The following ZMIZ1 variants were observed in gnomAD, a reference collection of about 807,000 sequenced individuals.
ZMIZ1 encodes zinc finger MIZ domain-containing protein 1.
A neutral mutation model predicts 113.9 loss-of-function variants in ZMIZ1; 17 were observed. The observed-to-expected ratio is 0.15, with a 90% CI of 0.10 to 0.22. ZMIZ1 has a LOEUF of 0.22. Among genes scored for constraint, ZMIZ1 ranks in the 10% least tolerant of loss-of-function variants. The pLI is 1.00. For missense variants in ZMIZ1, 1,059 were observed against 1,477.8 expected, an observed-to-expected ratio of 0.72 and a Z score of 4.65; for synonymous variants, 607 against 603.1, an observed-to-expected ratio of 1.01 and a Z score of -0.09.
intron 1 of ZMIZ1, among the ~76,000 whole-genome samples, chr10:79,072,686 T>C (rs1461894212): frequency 6.6e-6 from 1 of 152,218 alleles, no homozygotes; most frequent in Non-Finnish European, 1.5e-5. Flanking sequence ...GCCTGCTGGT[T>C]CGTGGCTGGG....
chr10:79,218,136 G>T (rs1010585758), intron 7 of ZMIZ1, among the ~76,000 whole-genome samples: 2 of 152,164 alleles, frequency 1.3e-5, no homozygotes, highest in African/African-American at 4.8e-5. Context: ...GCCATAGATA[G>T]TACATAGAGG....
chr10:79,147,819 G>A lies in ZMIZ1; in HGVS notation c.-131+8042G>A, dbSNP rs117744663. On this transcript the variant is annotated intron_variant, in intron 3 of 24. Transcript: ENST00000334512. ...CCAGGGAGAGTGTCCCCTTCCTCTA[G>A]GGAGGTGTGAGCCAGACCCTGGGCT... Among the ~76,000 whole-genome samples, 79 of 152,256 alleles carry A rather than the reference G, an allele frequency of 5.2e-4. 1 individual carries two copies. In the East Asian group the frequency reaches 0.013, roughly 26 times the overall value.
chr10:79,253,750 A>G lies in ZMIZ1; in HGVS notation c.281-23431A>G, dbSNP rs567101356. 2.0e-5 allele frequency among the ~76,000 whole-genome samples: 3 copies of G among 152,304 alleles called. No individual in the cohort carries two copies. In the East Asian group the frequency reaches 5.8e-4, roughly 29 times the overall value. On this transcript the variant is annotated intron_variant, in intron 7 of 24. Transcript: ENST00000334512. ...CGCAGGAGGCTCACTTAGATCCAGG[A>G]CTTTGTGAGAGGCCCCTGAGCAAAG... is the stretch of plus-strand genomic sequence containing the variant.
At chr10:79,195,235 G>A (rs367783594) in intron 4 of ZMIZ1, among the ~76,000 whole-genome samples, 4 of 152,232 alleles carry the variant, frequency 2.6e-5, no homozygotes, top group African/African-American at 4.8e-5. Context: ...TGGCCAGCCC[G>A]ATCCTGTGCT....
intron 16 of ZMIZ1, among the ~76,000 whole-genome samples, chr10:79,299,833 G>A (rs1458716622): frequency 1.3e-5 from 2 of 152,228 alleles, no homozygotes; most frequent in Non-Finnish European, 2.9e-5. Context: ...AGCCAGGGGC[G>A]GAGCTGAGAC....
intron 1 of ZMIZ1, among the ~76,000 whole-genome samples, chr10:79,100,345 G>A (rs537588246): frequency 4.4e-4 from 67 of 151,862 alleles, no homozygotes; most frequent in African/African-American, 1.5e-3. Flanking sequence ...GGTGGCTTAT[G>A]CCTGTAATCC....
chr10:79,093,789 G>A lies in ZMIZ1; in HGVS notation c.-337+24519G>A, dbSNP rs537258537. On this transcript the variant is annotated intron_variant, in intron 1 of 24. Transcript: ENST00000334512. ...TCCCATGCCCTTGCGTGCCTCTTCA[G>A]GGCCTCTCTCTGGGCCATCCCTGCC... Among the ~76,000 whole-genome samples, 3 of 152,312 alleles carry A rather than the reference G, an allele frequency of 2.0e-5. No homozygotes were observed. In the South Asian group the frequency reaches 6.2e-4, roughly 32 times the overall value.
intron 11 of ZMIZ1, 94 bp from the exon 12 acceptor site, chr10:79,293,287 C>A: frequency 6.8e-7 from 1 of 1,467,806 alleles, no homozygotes; most frequent in Non-Finnish European, 9.1e-7. Flanking sequence ...CACTCCTCCA[C>A]CTCCCCAACC....
intron 8 of ZMIZ1, among the ~76,000 whole-genome samples, chr10:79,282,830 G>C (rs1852825583): frequency 6.6e-6 from 1 of 152,212 alleles, no homozygotes; most frequent in Non-Finnish European, 1.5e-5. Flanking sequence ...ATCACTGGCT[G>C]CAGTGGGGCT....
chr10:79,298,808 C>T (rs958288905), intron 15 of ZMIZ1, among the ~76,000 whole-genome samples: 1 of 152,208 alleles, frequency 6.6e-6, no homozygotes, highest in Non-Finnish European at 1.5e-5. Flanking sequence ...CTATACGCAG[C>T]CATGGAAGGA....
chr10:79,224,145 G>T (rs1849107140), intron 7 of ZMIZ1, among the ~76,000 whole-genome samples: 1 of 152,240 alleles, frequency 6.6e-6, no homozygotes, highest in South Asian at 2.1e-4. Flanking sequence ...GCTAGACTTA[G>T]TATGATCCCA....
chr10:79,160,612 G>C (rs942739659), intron 3 of ZMIZ1, among the ~76,000 whole-genome samples: 2 of 152,254 alleles, frequency 1.3e-5, no homozygotes, highest in African/African-American at 4.8e-5. Flanking sequence ...GCCAAGATTT[G>C]AAGCAGATCC....
At chr10:79,200,296 C>G (rs1390263542) in intron 4 of ZMIZ1, among the ~76,000 whole-genome samples, 2 of 152,162 alleles carry the variant, frequency 1.3e-5, no homozygotes, top group Non-Finnish European at 2.9e-5. Context: ...CTGCCTTGGC[C>G]CAAGGACCTG....
intron 4 of ZMIZ1, among the ~76,000 whole-genome samples, chr10:79,200,153 G>A (rs1307487380): frequency 6.6e-5 from 10 of 152,232 alleles, no homozygotes; most frequent in Admixed American, 6.5e-4. Flanking sequence ...TTAGTGGGGA[G>A]TGCGACAGAG....
chr10:79,277,112 TGG>T, intron 7 of ZMIZ1, 67 bp from the exon 8 acceptor site: 2 of 1,373,308 alleles, frequency 1.5e-6, no homozygotes, highest in Non-Finnish European at 1.9e-6. Flanking sequence ...TGGGGAGAGT[TGG>T]GGGGGGGTCT....
rs897266767 is a variant in ZMIZ1, at chr10:79,296,794, T to C, written c.1413+141T>C. On this transcript the variant is annotated intron_variant, in intron 13 of 24. Coordinates refer to ENST00000334512, the MANE Select transcript of ZMIZ1 (RefSeq NM_020338.4). This position sits in a 1 kb window ranked among gnomAD's most constrained non-coding sequence, Gnocchi z 4.1. ...GGTGGGTGATTTCTGAACGTCCCCATGTGTTCAGGGCGAAGTTCGGTGGCC... is the reference window on the plus strand; with the variant it reads ...GGTGGGTGATTTCTGAACGTCCCCACGTGTTCAGGGCGAAGTTCGGTGGCC... 2.5e-6 allele frequency: 2 copies of C among 795,834 alleles called. No homozygotes were observed. The highest frequency in any genetic ancestry group is 3.6e-5 in the African/African-American group (2 of 55,116). 49.3% of individuals were successfully genotyped at this position (795,834 alleles called of 1,614,324 possible). A position where few individuals can be genotyped will look rare whatever the true frequency, so the allele number is the denominator to read the frequency against.
rs534268554 is a variant in ZMIZ1, at chr10:79,315,066, C to G, written c.*2317C>G. ...TCCACGGCTTTCCAGTGCGGAGAGT[C>G]GAGATGCTCCCTGCAGCCCAGGCCC... On this transcript the variant is annotated 3_prime_UTR_variant, in exon 25 of 25. Transcript: ENST00000334512. The G allele has an allele frequency of 2.6e-5, 4 of 152,922 alleles. No individual in the cohort carries two copies. The South Asian group carries it at 8.3e-4, about 32-fold the overall frequency. The allele number at this position is 152,922 out of a possible 1,614,324, so 9.5% of individuals were successfully genotyped here.
chr10:79,314,550 A>G lies in ZMIZ1; in HGVS notation c.*1801A>G. ...AGTATGCAAATCAATTATTTTAAGA[A>G]TCGCTTTTGTAAATATCTTTGTGAA... On this transcript the variant is annotated 3_prime_UTR_variant, in exon 25 of 25. Transcript: ENST00000334512. 1 of 266,384 alleles carries G rather than the reference A, an allele frequency of 3.8e-6. No homozygotes were observed. The highest frequency in any genetic ancestry group is 3.8e-5 in the South Asian group (1 of 26,648). The allele number at this position is 266,384 out of a possible 1,614,324, so 16.5% of individuals were successfully genotyped here. A position where few individuals can be genotyped will look rare whatever the true frequency, so the allele number is the denominator to read the frequency against.
chr10:79,114,012 G>T (rs1284051680), intron 1 of ZMIZ1, among the ~76,000 whole-genome samples: 1 of 152,194 alleles, frequency 6.6e-6, no homozygotes, highest in African/African-American at 2.4e-5. Flanking sequence ...GCGGGAGTTT[G>T]CAAATGGAGA....
Sources: gnomAD v4.1 joint callset for allele counts (sites outside exome capture counted in the v4.1 genomes callset) on GRCh38, gnomAD v4.1.1 for gene constraint, Gnocchi (gnomAD v3.1) non-coding constraint, MANE v1.5 for transcripts, NCBI Gene and HGNC (gene_info 2026-07-23, HGNC 2026-07-21) for gene names.